OPN3: variants seen among roughly 807,000 people sequenced by gnomAD.
OPN3 encodes opsin-3.
In OPN3, 29 loss-of-function variants were observed where a neutral mutation model predicts 33.8. The observed-to-expected ratio is 0.86, with a 90% CI of 0.64 to 1.17. OPN3 has a LOEUF of 1.17. OPN3 is among the 50% of genes most tolerant of loss of function. OPN3 has a pLI of 0.00. For missense variants in OPN3, 437 were observed against 514.1 expected (o/e 0.85, Z 1.45); for synonymous variants, 216 against 216.1 (o/e 1.00, Z 0.00).
rs76360191 is a variant in OPN3, at chr1:241,633,519, T to C, written c.373+6363A>G. 4.2e-3 allele frequency: 1,615 copies of C among 380,746 alleles called. 21 individuals carry two copies. The highest frequency in any genetic ancestry group is 0.032 in the African/African-American group (1,509 of 46,710). The allele number at this position is 380,746 out of a possible 1,614,324, so 23.6% of individuals were successfully genotyped here. ...AAGCTGAGTTGCTAATATGGAACCC[T>C]TACATATATACCCAATACTAAAATA... is the stretch of plus-strand genomic sequence containing the variant. On this transcript the variant is annotated intron_variant, in intron 1 of 3. Transcript: ENST00000366554.
rs1158744274 is a variant in OPN3 at position 241,594,261 on chromosome 1, T to C, written c.*167A>G. ...TTGAATTAAAAGAATTTGTTTTTGTTCAACCTCTTCCTGAGGCCCAAGAGC... is the reference window on the plus strand; with the variant it reads ...TTGAATTAAAAGAATTTGTTTTTGTCCAACCTCTTCCTGAGGCCCAAGAGC... On this transcript the variant is annotated 3_prime_UTR_variant, in exon 4 of 4. Coordinates refer to ENST00000366554, the MANE Select transcript of OPN3 (RefSeq NM_014322.3). 7 of 690,998 alleles carry C rather than the reference T, an allele frequency of 1.0e-5. No homozygotes were observed. The Admixed American group carries it at 2.0e-4, about 19-fold the overall frequency. The allele number at this position is 690,998 out of a possible 1,614,324, so 42.8% of individuals were successfully genotyped here.
rs564556468 is a variant in OPN3, at chr1:241,622,834, G to C, written c.373+17048C>G. Among the ~76,000 whole-genome samples, 410 of 152,136 alleles carry C rather than the reference G, an allele frequency of 2.7e-3. 1 individual carries two copies. The highest frequency in any genetic ancestry group is 9.4e-3 in the African/African-American group (388 of 41,462). On this transcript the variant is annotated intron_variant, in intron 1 of 3. Coordinates refer to ENST00000366554, the MANE Select transcript of OPN3 (RefSeq NM_014322.3). ...GTAAGTGGGTAATCTTATGTAACTG[G>C]TAAGTCCAAAGTGGCACTGGCTTCG... is the stretch of plus-strand genomic sequence containing the variant.
At chr1:241,622,659 T>C (rs1395453048) in intron 1 of OPN3, among the ~76,000 whole-genome samples, 1 of 152,222 alleles carries the variant, frequency 6.6e-6, no homozygotes, top group Non-Finnish European at 1.5e-5. Context: ...GATAAATCAA[T>C]TGCTAAAACA....
intron 2 of OPN3, among the ~76,000 whole-genome samples, chr1:241,603,867 G>A (rs1371039232): frequency 1.3e-5 from 2 of 152,138 alleles, no homozygotes; most frequent in African/African-American, 2.4e-5. Context: ...TGGTGTGATC[G>A]CCAAACAAAA....
At position 241,594,330 on chromosome 1, in the gene OPN3, G is replaced by A. The variant is rs546558403; in HGVS notation, c.*98C>T. On this transcript the variant is annotated 3_prime_UTR_variant, in exon 4 of 4. Transcript: ENST00000366554. The stretch of plus-strand genomic sequence containing the variant: ...TCCTGCTGGACCACAAGGTTCTGTT[G>A]ATATTACATAGAACGGGTATTCCAG... The A allele has an allele frequency of 5.0e-5, 66 of 1,312,328 alleles. 1 individual carries two copies. The South Asian group carries it at 8.9e-4, about 18-fold the overall frequency. The allele number at this position is 1,312,328 out of a possible 1,614,324, so 81.3% of individuals were successfully genotyped here.
intron 1 of OPN3, among the ~76,000 whole-genome samples, chr1:241,622,633 T>C (rs958433673): frequency 1.3e-5 from 2 of 152,242 alleles, no homozygotes; most frequent in Non-Finnish European, 2.9e-5. Flanking sequence ...ACCATTGTTC[T>C]AGAATTTCAA....
intron 2 of OPN3, among the ~76,000 whole-genome samples, chr1:241,602,645 G>GAGAGAT (rs1169633351): frequency 6.6e-6 from 1 of 152,068 alleles, no homozygotes; most frequent in Non-Finnish European, 1.5e-5. Context: ...GACAGAGAGA[G>GAGAGAT]AGAGATAGAG....
rs1161667545 is a variant in OPN3, at chr1:241,607,678, AAGAG to A, written c.374-3103_374-3100del. Among the ~76,000 whole-genome samples, 10 of 149,690 alleles carry A rather than the reference AAGAG, an allele frequency of 6.7e-5. No individual in the cohort carries two copies. The East Asian group carries it at 1.0e-3, about 16-fold the overall frequency. On this transcript the variant is annotated intron_variant, in intron 1 of 3. Transcript: ENST00000366554. ...AGAAAGAAAGAAAGAAAAAGGAAGAAAGAGAGAAAGGAGGGAAGGAAGGAAGGAA... is the reference window on the plus strand; with the variant it reads ...AGAAAGAAAGAAAGAAAAAGGAAGAAAGAAAGGAGGGAAGGAAGGAAGGAA...
intron 1 of OPN3, among the ~76,000 whole-genome samples, chr1:241,615,698 G>A (rs1362735896): frequency 6.6e-6 from 1 of 152,060 alleles, no homozygotes; most frequent in East Asian, 1.9e-4. Flanking sequence ...ATCATTGACT[G>A]GACTCTATTC....
At chr1:241,599,719 C>G (rs1207314919) in intron 2 of OPN3, among the ~76,000 whole-genome samples, 1 of 152,016 alleles carries the variant, frequency 6.6e-6, no homozygotes, top group Non-Finnish European at 1.5e-5. Flanking sequence ...AAGTTTATAT[C>G]CCAGATTAAC....
intron 3 of OPN3, chr1:241,595,049 A>G (rs1057348014): frequency 5.7e-6 from 1 of 174,584 alleles, no homozygotes; most frequent in African/African-American, 2.4e-5. Flanking sequence ...CCACTGTGCT[A>G]TAATTAGAGA....
intron 1 of OPN3, among the ~76,000 whole-genome samples, chr1:241,609,637 T>C (rs1663935364): frequency 6.6e-6 from 1 of 152,252 alleles, no homozygotes; most frequent in Non-Finnish European, 1.5e-5. Context: ...TGTGATCATA[T>C]GTCAAAGTTA....
chr1:241,631,559 C>T (rs572942434), intron 1 of OPN3: 2 of 152,080 alleles, frequency 1.3e-5, no homozygotes, highest in Non-Finnish European at 1.5e-5. Flanking sequence ...AGTAAGTTGT[C>T]AATTACTTAA....
chr1:241,626,755 T>C (rs1664432806), intron 1 of OPN3, among the ~76,000 whole-genome samples: 1 of 152,194 alleles, frequency 6.6e-6, no homozygotes, highest in African/African-American at 2.4e-5. Flanking sequence ...TACTGGGTAA[T>C]ATTTACTTTT....
At chr1:241,599,648 C>G (rs910647681) in intron 2 of OPN3, among the ~76,000 whole-genome samples, 1 of 151,916 alleles carries the variant, frequency 6.6e-6, no homozygotes, top group African/African-American at 2.4e-5. Context: ...GGGAGCTTCC[C>G]TAGTTTATAG....
chr1:241,628,130 T>C (rs1021205273), intron 1 of OPN3, among the ~76,000 whole-genome samples: 2 of 152,214 alleles, frequency 1.3e-5, no homozygotes, highest in Non-Finnish European at 2.9e-5. Flanking sequence ...TAGTGAGTTT[T>C]GGCACCTTTT....
intron 1 of OPN3, among the ~76,000 whole-genome samples, chr1:241,608,426 C>T (rs992644377): frequency 3.3e-5 from 5 of 152,082 alleles, no homozygotes; most frequent in African/African-American, 1.2e-4. Flanking sequence ...CCCTCATGGC[C>T]TTAAGGTCCA....
intron 1 of OPN3, chr1:241,635,721 T>C (rs1348190809): frequency 3.1e-6 from 5 of 1,613,784 alleles, no homozygotes; most frequent in Non-Finnish European, 4.2e-6. Flanking sequence ...GGCAAACCTG[T>C]CCCTATTATA....
At chr1:241,623,991 C>A (rs28403346) in intron 1 of OPN3, among the ~76,000 whole-genome samples, 3 of 151,322 alleles carry the variant, frequency 2.0e-5, no homozygotes, top group Non-Finnish European at 4.4e-5. Flanking sequence ...TGCCTCTCCA[C>A]GCCAGGCCAG....
Sources: gnomAD v4.1 joint callset for allele counts (sites outside exome capture counted in the v4.1 genomes callset) on GRCh38, gnomAD v4.1.1 for gene constraint, MANE v1.5 for transcripts, NCBI Gene and HGNC (gene_info 2026-07-23, HGNC 2026-07-21) for gene names.